Variants in DIP2A observed in about 807,000 individuals in gnomAD.
DIP2A encodes the protein DIP2 acetate--CoA ligase A.
Under a neutral mutation model 177.4 loss-of-function variants are expected in DIP2A, and 85 were observed. The ratio of observed to expected loss-of-function variants is 0.48; its 90% CI spans 0.40 to 0.57. The LOEUF is 0.57. Ranked by LOEUF, DIP2A falls within the 20% of genes least tolerant of loss-of-function variation. DIP2A has a pLI of 0.00. For synonymous variants in DIP2A, 886 were observed against 881.8 expected (o/e 1.00, Z -0.08); for missense variants, 1,791 against 2,100.2 (o/e 0.85, Z 2.88).
Position 46,497,101 on chromosome 21 carries a change from C to T in DIP2A, c.397C>T (p.Pro133Ser). The change falls in exon 4 of 38, where the codon CCT (proline) becomes TCT (serine). Residue 133 changes from proline (P) to serine (S), a missense_variant. Transcript: ENST00000417564. Reference sequence around the variant, plus strand: ...GCATTCGTCTGTGGAAACCTACACCCCTCCAGGTATTGATAAACAATGTCA... The same window carrying T: ...GCATTCGTCTGTGGAAACCTACACCTCTCCAGGTATTGATAAACAATGTCA... ...LVHSSVETYT[P>S]PDTSSASEDE... is the part of the protein sequence containing the mutation. 1 of 1,609,604 alleles carries T rather than the reference C, an allele frequency of 6.2e-7. No individual in the cohort carries two copies.
At chr21:46,519,855 ATTTTTTTTTTTTTTTTTTTTTTT>A (rs59574579) in intron 8 of DIP2A, among the ~76,000 whole-genome samples, 3 of 53,018 alleles carry the variant, frequency 5.7e-5, no homozygotes, top group East Asian at 6.3e-4. Flanking sequence ...ATTGATCTAG[ATTTTTTTTTTTTTTTTTTTTTTT>A]TTTTTTTTTT....
At chr21:46,523,393 A>ATTT (rs61370008) in intron 8 of DIP2A, among the ~76,000 whole-genome samples, 289 of 89,892 alleles carry the variant, frequency 3.2e-3, no homozygotes, top group Non-Finnish European at 3.6e-3. Context: ...CGCCTGGCTA[A>ATTT]TTTTTTTTTT....
downstream of DIP2A, among the ~76,000 whole-genome samples, chr21:46,571,485 T>G (rs1468407713): frequency 6.6e-6 from 1 of 152,236 alleles, no homozygotes; most frequent in African/African-American, 2.4e-5. Flanking sequence ...TAAATTATTT[T>G]GGGCAGTATG....
chr21:46,579,553 A>C, the DIP2A span, among the ~76,000 whole-genome samples: 1 of 152,046 alleles, frequency 6.6e-6, no homozygotes, highest in African/African-American at 2.4e-5. Context: ...TTAGGATGTC[A>C]ATTGGAGATC....
intron 17 of DIP2A, 146 bp downstream of exon 17, chr21:46,540,137 C>A (rs1046637194): frequency 1.5e-6 from 1 of 658,232 alleles, no homozygotes; most frequent in East Asian, 2.8e-5. Context: ...CACATTTTGC[C>A]GGCTTGGGTT....
intron 1 of DIP2A, among the ~76,000 whole-genome samples, chr21:46,459,569 G>A (rs1329196493): frequency 1.4e-4 from 2 of 14,052 alleles, no homozygotes; most frequent in African/African-American, 6.5e-4. Flanking sequence ...CCGGAACCCC[G>A]CGCGGCCCCT....
intron 8 of DIP2A, among the ~76,000 whole-genome samples, chr21:46,512,747 C>T (rs1257115274): frequency 1.3e-5 from 2 of 151,674 alleles, no homozygotes; most frequent in East Asian, 3.9e-4. Context: ...GCTCCTGCCT[C>T]AGCCTCCTGA....
intron 2 of DIP2A, among the ~76,000 whole-genome samples, chr21:46,489,141 A>G (rs1450881278): frequency 5.9e-5 from 9 of 152,176 alleles, no homozygotes; most frequent in Non-Finnish European, 1.2e-4. Context: ...GTGGATGTAT[A>G]TGTACATGTG....
chr21:46,535,719 A>G (rs913241290), intron 13 of DIP2A, among the ~76,000 whole-genome samples: 1 of 152,254 alleles, frequency 6.6e-6, no homozygotes, highest in Non-Finnish European at 1.5e-5. Context: ...TAGATCTTTC[A>G]GATCAAGCCC....
chr21:46,497,172 T>G (rs1329793091), intron 4 of DIP2A, 65 bp downstream of exon 4: 2 of 1,548,300 alleles, frequency 1.3e-6, no homozygotes, highest in Non-Finnish European at 1.7e-6. Flanking sequence ...TGTTATCCTA[T>G]TTACTTCCCA....
Position 46,569,123 on chromosome 21 carries a change from T to G in DIP2A, c.*1501T>G, listed in dbSNP as rs1477087962. On this transcript the variant is annotated 3_prime_UTR_variant, in exon 38 of 38. Coordinates refer to ENST00000417564, the MANE Select transcript of DIP2A (RefSeq NM_015151.4). ...AGAGTATGTTACGAAATTGTTGGGT[T>G]TTTGGGGTATTGAGGGTGGCAAATT... 6.6e-6 allele frequency: 1 copy of G among 152,130 alleles called. No homozygotes were observed. Among genetic ancestry groups the G allele is most frequent in the Non-Finnish European group, 1.5e-5 (1 of 68,014 alleles). The allele number at this position is 152,130 out of a possible 1,614,324, so 9.4% of individuals were successfully genotyped here. A position where few individuals can be genotyped will look rare whatever the true frequency, so the allele number is the denominator to read the frequency against.
At chr21:46,504,563 A>G in intron 6 of DIP2A, 74 bp downstream of exon 6, 21 of 1,500,874 alleles carry the variant, frequency 1.4e-5, no homozygotes, top group Non-Finnish European at 1.4e-5. Context: ...ACACAGCTTT[A>G]ATGTATTCAC....
At chr21:46,572,506 G>T (rs1373298733), downstream of DIP2A, among the ~76,000 whole-genome samples, 1 of 152,140 alleles carries the variant, frequency 6.6e-6, no homozygotes, top group Non-Finnish European at 1.5e-5. Context: ...GAGGTGATTG[G>T]ATTAATCTAT....
At chr21:46,526,915 C>T (rs1780255477) in intron 8 of DIP2A, among the ~76,000 whole-genome samples, 1 of 152,188 alleles carries the variant, frequency 6.6e-6, no homozygotes, top group Admixed American at 6.5e-5. Flanking sequence ...TTACTTACTT[C>T]TCTCAGAGGG....
At position 46,549,875 on chromosome 21, in the gene DIP2A, G is replaced by A. The variant is rs779107720; in HGVS notation, c.2627G>A (p.Arg876His). The A allele has an allele frequency of 1.8e-5, 29 of 1,611,322 alleles. No individual in the cohort carries two copies. The highest frequency in any genetic ancestry group is 1.6e-4 in the South Asian group (15 of 91,090). ...GAGGACAGCTTCCAGTGGATGAGCC[G>A]TGTGCTGCAGGTGGGCGCCCCGGCA... ...SEEDSFQWMSRVLQAIDSIHQ... is the reference protein window; with the variant it reads ...SEEDSFQWMSHVLQAIDSIHQ... Residue 876 changes from arginine to histidine, a missense_variant, in exon 22 of 38, where the codon CGT becomes CAT. By Grantham distance (29) the Arg-to-His change is conservative. Coordinates refer to ENST00000417564, the MANE Select transcript of DIP2A (RefSeq NM_015151.4).
intron 5 of DIP2A, among the ~76,000 whole-genome samples, chr21:46,500,067 G>A (rs1038143806): frequency 1.3e-5 from 2 of 152,186 alleles, no homozygotes; most frequent in African/African-American, 4.8e-5. Context: ...TGGGTATGTT[G>A]GGTGGCCCAC....
In DIP2A at chr21:46,567,744, T is replaced by C. The variant is rs1296963839; in HGVS notation, c.*122T>C. 3 of 1,205,058 alleles carry C rather than the reference T, an allele frequency of 2.5e-6. No individual in the cohort carries two copies. Among genetic ancestry groups the C allele is most frequent in the Non-Finnish European group, 3.4e-6 (3 of 887,798 alleles). 74.6% of individuals were successfully genotyped at this position (1,205,058 alleles called of 1,614,324 possible). On this transcript the variant is annotated 3_prime_UTR_variant, in exon 38 of 38. Coordinates refer to ENST00000417564, the MANE Select transcript of DIP2A (RefSeq NM_015151.4). ...CCCTTCCTGTGCTCTTACAGATCCCTCTCAACAATCCCCGCATCTCCTTTT... is the reference window on the plus strand; with the variant it reads ...CCCTTCCTGTGCTCTTACAGATCCCCCTCAACAATCCCCGCATCTCCTTTT...
Position 46,511,516 on chromosome 21 carries a change from T to C in DIP2A, c.1004T>C (p.Leu335Pro). 6.2e-7 allele frequency: 1 copy of C among 1,612,750 alleles called. No individual in the cohort carries two copies. Among genetic ancestry groups the C allele is most frequent in the Non-Finnish European group, 8.5e-7 (1 of 1,179,436 alleles). Residue 335 changes from leucine (L) to proline (P), a missense_variant, in exon 8 of 38, where the codon CTG becomes CCG. Coordinates refer to ENST00000417564, the MANE Select transcript of DIP2A (RefSeq NM_015151.4). Reference protein sequence around the residue: ...LTAGVPRPPSLLATLQRWGTT... With the variant: ...LTAGVPRPPSPLATLQRWGTT... ...GCAGGTGTCCCCCGACCGCCGTCGC[T>C]GTTGGCCACCTTGCAGCGCTGGGGC...
At chr21:46,546,891 C>G in intron 20 of DIP2A, 24 bp from the exon 21 acceptor site, 1 of 1,612,700 alleles carries the variant, frequency 6.2e-7, no homozygotes, top group Non-Finnish European at 8.5e-7. Flanking sequence ...TGGGTGGAGT[C>G]TTGACGCACA....
Sources: gnomAD v4.1 joint callset for allele counts (sites outside exome capture counted in the v4.1 genomes callset) on GRCh38, gnomAD v4.1.1 for gene constraint, MANE v1.5 for transcripts, NCBI Gene and HGNC (gene_info 2026-07-23, HGNC 2026-07-21) for gene names.